Variants in TLR6 observed in about 807,000 individuals in gnomAD.
TLR6 encodes toll-like receptor 6.
TLR6 carries 9 observed loss-of-function variants against 16.1 expected under a neutral mutation model. That is an observed-to-expected ratio of 0.56 (90% confidence interval 0.34 to 0.98). The LOEUF is 0.98. Among genes scored for constraint, TLR6 ranks in the 50% least tolerant of loss-of-function variants. TLR6 has a pLI of 0.02. For synonymous variants in TLR6, 340 were observed against 338.6 expected, an observed-to-expected ratio of 1.00 and a Z score of -0.04; for missense variants, 786 against 921.0, an observed-to-expected ratio of 0.85 and a Z score of 1.90.
rs537147025 is a variant in TLR6, at chr4:38,850,662, C to G, written c.-65+6099G>C. Among the ~76,000 whole-genome samples, 3 of 152,344 alleles carry G rather than the reference C, an allele frequency of 2.0e-5. No individual in the cohort carries two copies. In the East Asian group the frequency reaches 5.8e-4, roughly 29 times the overall value. ...GAATAAATTCCTCGACACCTACACT[C>G]TCCCAAGACTAAACCAGGAAGAAGT... is the stretch of plus-strand genomic sequence containing the variant. On this transcript the variant is annotated intron_variant, in intron 1 of 1. Coordinates refer to ENST00000436693, the Ensembl canonical transcript of TLR6.
At chr4:38,858,477 C>T (rs562827189), upstream of TLR6, among the ~76,000 whole-genome samples, 5 of 152,056 alleles carry the variant, frequency 3.3e-5, no homozygotes, top group South Asian at 2.1e-4. Context: ...CCCAGCACTT[C>T]GGGAGGCCGA....
intron 1 of TLR6, among the ~76,000 whole-genome samples, chr4:38,839,121 A>AGGGAAGGGAGGGAGGGGAG (rs1560267455): frequency 4.0e-5 from 4 of 99,064 alleles, no homozygotes; most frequent in African/African-American, 1.6e-4. Flanking sequence ...AAGGGAGGGG[A>AGGGAAGGGAGGGAGGGGAG]GGAAGGGAGG....
chr4:38,846,103 A>AAAAAG (rs1444581607), intron 1 of TLR6, among the ~76,000 whole-genome samples: 21 of 146,684 alleles, frequency 1.4e-4, no homozygotes, highest in African/African-American at 2.0e-4. Context: ...AAAAAAAAAA[A>AAAAAG]AAAAGAAAAG....
At chr4:38,863,888 G>A in the TLR6 span, among the ~76,000 whole-genome samples, 1 of 152,088 alleles carries the variant, frequency 6.6e-6, no homozygotes, top group African/African-American at 2.4e-5. Flanking sequence ...AAGGGTGCCA[G>A]TCTCACTCAA....
At chr4:38,862,276 C>T in the TLR6 span, among the ~76,000 whole-genome samples, 2 of 143,726 alleles carry the variant, frequency 1.4e-5, no homozygotes, top group African/African-American at 5.1e-5. Flanking sequence ...TGTATTATTC[C>T]AATCACATTT....
chr4:38,834,807 T>C (rs182966871), intron 1 of TLR6, among the ~76,000 whole-genome samples: 54 of 152,270 alleles, frequency 3.5e-4, no homozygotes, highest in African/African-American at 1.3e-3. Flanking sequence ...CCTTCCATAA[T>C]GAAGAAGAAA....
exon 2 of TLR6, chr4:38,826,214 G>A (rs188639760): frequency 3.3e-5 from 5 of 152,304 alleles, no homozygotes; most frequent in Admixed American, 6.5e-5. Context: ...TAGAACCTCC[G>A]CTTAATGACT....
At chr4:38,833,783 G>C (rs1224895357) in intron 1 of TLR6, among the ~76,000 whole-genome samples, 1 of 152,082 alleles carries the variant, frequency 6.6e-6, no homozygotes, top group African/African-American at 2.4e-5. Context: ...AGAGAGCATA[G>C]ATAAATAATA....
exon 2 of TLR6, chr4:38,828,336 C>T (rs1295242028): frequency 6.2e-7 from 1 of 1,613,346 alleles, no homozygotes; most frequent in South Asian, 1.1e-5. Flanking sequence ...ATAAGTGTCT[C>T]CAATTTAACT....
At chr4:38,828,745 T>C in exon 2 of TLR6, 1 of 1,613,760 alleles carries the variant, frequency 6.2e-7, no homozygotes, top group Non-Finnish European at 8.5e-7. Context: ...TGGTGAGTTC[T>C]GATAAAAATT....
upstream of TLR6, among the ~76,000 whole-genome samples, chr4:38,858,229 C>T (rs1713068031): frequency 6.6e-6 from 1 of 152,190 alleles, no homozygotes; most frequent in African/African-American, 2.4e-5. Context: ...TACTGTGAGG[C>T]TTGGGACAAG....
chr4:38,854,773 C>CTA (rs1261565628), intron 1 of TLR6, among the ~76,000 whole-genome samples: 3 of 151,834 alleles, frequency 2.0e-5, no homozygotes, highest in African/African-American at 7.3e-5. Flanking sequence ...GAAGATATGA[C>CTA]TATAAGGATA....
chr4:38,857,152 T>A (rs1312565897), upstream of TLR6, among the ~76,000 whole-genome samples: 1 of 152,240 alleles, frequency 6.6e-6, no homozygotes, highest in African/African-American at 2.4e-5. Flanking sequence ...TATCACCATA[T>A]TTAACATTTC....
At position 38,829,113 on chromosome 4, in the gene TLR6, C is replaced by A. The variant is rs761863213; in HGVS notation, c.361G>T (p.Val121Leu). ...GAGAGATCTAAATGCCTGAAACTCA[C>A]AATAGGATGGCAGGATATCTTTTGC... Residue 121 changes from valine to leucine, a missense_variant, in exon 2 of 2, where the codon GTG becomes TTG. Coordinates refer to ENST00000436693, the Ensembl canonical transcript of TLR6. 1.2e-6 allele frequency: 2 copies of A among 1,613,990 alleles called. No individual in the cohort carries two copies. Among genetic ancestry groups the A allele is most frequent in the African/African-American group, 2.7e-5 (2 of 74,926 alleles).
At chr4:38,865,018 A>AT in the TLR6 span, among the ~76,000 whole-genome samples, 1 of 152,192 alleles carries the variant, frequency 6.6e-6, no homozygotes, top group African/African-American at 2.4e-5. Flanking sequence ...CCTAAATAAG[A>AT]AAGAAAGAAA....
exon 2 of TLR6, chr4:38,824,632 G>C (rs1727462473): frequency 6.6e-6 from 1 of 152,130 alleles, no homozygotes; most frequent in Non-Finnish European, 1.5e-5. Context: ...TAAAAAATCT[G>C]TTCAACAGGG....
Position 38,828,372 on chromosome 4 carries a change from TA to T in TLR6, c.1101del (p.Asp367GlufsTer10). The T allele has an allele frequency of 6.2e-7, 1 of 1,613,180 alleles. No individual in the cohort carries two copies. Among genetic ancestry groups the T allele is most frequent in the Admixed American group, 1.7e-5 (1 of 59,996 alleles). Reference sequence around the variant, plus strand: ...AACGTGGAACATTTTTCAAAAATACTATCTGTGAAAACGTTCTGGGTAAAGT... The same window carrying T: ...AACGTGGAACATTTTTCAAAAATACTTCTGTGAAAACGTTCTGGGTAAAGT... On this transcript the variant is annotated frameshift_variant, in exon 2 of 2. Coordinates refer to ENST00000436693, the Ensembl canonical transcript of TLR6. LOFTEE classifies it low-confidence loss of function (END_TRUNC).
chr4:38,856,081 C>G (rs1338933205), intron 1 of TLR6, among the ~76,000 whole-genome samples: 2 of 152,182 alleles, frequency 1.3e-5, no homozygotes, highest in Admixed American at 1.3e-4. Flanking sequence ...AACATTGTTT[C>G]ATTTGTCAAA....
chr4:38,830,932 T>G (rs1251183990), intron 1 of TLR6, among the ~76,000 whole-genome samples: 1 of 152,142 alleles, frequency 6.6e-6, no homozygotes, highest in Non-Finnish European at 1.5e-5. Flanking sequence ...GATTGTTATC[T>G]TTTTGATTGT....
Sources: allele counts gnomAD v4.1 joint callset (sites outside exome capture counted in the v4.1 genomes callset), GRCh38; gene constraint gnomAD v4.1.1; transcripts MANE v1.5; gene names NCBI Gene and HGNC (gene_info 2026-07-23, HGNC 2026-07-21).